FLNC: variants seen among roughly 807,000 people sequenced by gnomAD.
FLNC encodes the protein filamin C.
A neutral mutation model predicts 254.3 loss-of-function variants in FLNC; 91 were observed. That is an observed-to-expected ratio of 0.36 (90% CI 0.30 to 0.43). FLNC has a LOEUF of 0.43. FLNC is among the 20% of genes least tolerant of loss of function. The pLI, the probability that FLNC is intolerant of heterozygous loss-of-function variation, is 1.00. For synonymous variants in FLNC, 1,430 were observed against 1,577.2 expected, an observed-to-expected ratio of 0.91 and a Z score of 2.21; for missense variants, 2,853 against 3,802.6, an observed-to-expected ratio of 0.75 and a Z score of 6.57.
Position 128,856,727 on chromosome 7 carries a change from C to A in FLNC, c.7385-18C>A. The A allele has an allele frequency of 6.2e-7, 1 of 1,614,128 alleles. No individual in the cohort carries two copies. The highest frequency in any genetic ancestry group is 8.5e-7 in the Non-Finnish European group (1 of 1,180,030). ...GAGGGGAAGGATGGAGGCTAAGCCA[C>A]CAACCCTTTATCCACAGACAAGCAC... On this transcript the variant is annotated intron_variant, in intron 44 of 47. Transcript: ENST00000325888. The surrounding 1 kb of genome is among the most constrained non-coding windows in gnomAD (Gnocchi z 5.9).
intron 20 of FLNC, 53 bp downstream of exon 20, chr7:128,844,319 T>C (rs528634077): frequency 3.2e-6 from 5 of 1,554,408 alleles, no homozygotes; most frequent in East Asian, 2.3e-5. Flanking sequence ...GTTGGGAAGA[T>C]AGATGAGTCA....
At position 128,847,703 on chromosome 7, in the gene FLNC, C is replaced by T. The variant is rs1427806742; in HGVS notation, c.4295C>T (p.Pro1432Leu). The T allele has an allele frequency of 1.1e-5, 17 of 1,613,858 alleles. No homozygotes were observed. Among genetic ancestry groups the T allele is most frequent in the East Asian group, 2.2e-5 (1 of 44,886 alleles). Residue 1432 changes from proline (P) to leucine (L), a missense_variant, in exon 25 of 48, where the codon CCG (proline) becomes CTG (leucine). Physicochemically the swap from Pro to Leu is moderately conservative, Grantham distance 98. Transcript: ENST00000325888. ...AATGTCCTTCTCCTCACAGGGAGCC[C>T]GTTCCGCGTGCCAGTGAAGGATGTG... ...TFGGRPIPGS[P>L]FRVPVKDVVD...
At chr7:128,839,909 C>A in intron 8 of FLNC, 114 bp from the exon 9 acceptor site, 2 of 1,355,262 alleles carry the variant, frequency 1.5e-6, no homozygotes, top group South Asian at 1.2e-5. Context: ...CAGAGCAGGG[C>A]CGTGGGCCAC....
rs1424745313 is a variant in FLNC, at chr7:128,836,314, G to T, written c.601+740G>T. 6.6e-6 allele frequency among the ~76,000 whole-genome samples: 1 copy of T among 152,234 alleles called. No individual in the cohort carries two copies. Among genetic ancestry groups the T allele is most frequent in the Non-Finnish European group, 1.5e-5 (1 of 68,034 alleles). ...AGAATCCTCCTCCACCCTGGGGTCA[G>T]CCGGGGAGCAGAGGGTGGGAGGCGG... On this transcript the variant is annotated intron_variant, in intron 2 of 47. Coordinates refer to ENST00000325888, the MANE Select transcript of FLNC (RefSeq NM_001458.5). This position sits in a 1 kb window ranked among gnomAD's most constrained non-coding sequence, Gnocchi z 6.0.
In FLNC at chr7:128,856,405, G is replaced by A. The variant is rs1057411857; in HGVS notation, c.7252-113G>A. 2.1e-6 allele frequency: 3 copies of A among 1,402,582 alleles called. No individual in the cohort carries two copies. Among genetic ancestry groups the A allele is most frequent in the Non-Finnish European group, 3.0e-6 (3 of 1,007,540 alleles). 86.9% of individuals were successfully genotyped at this position (1,402,582 alleles called of 1,614,324 possible). A position where few individuals can be genotyped will look rare whatever the true frequency, so the allele number is the denominator to read the frequency against. On this transcript the variant is annotated intron_variant, in intron 43 of 47. Transcript: ENST00000325888. This position sits in a 1 kb window ranked among gnomAD's most constrained non-coding sequence, Gnocchi z 5.9. ...GCAGGCAGGGGCCAGGCTGGGCATG[G>A]GGTGGCAGCAGCCTTTGGGCTGGGC...
At chr7:128,843,934 C>T (rs1436601351) in intron 19 of FLNC, 21 bp downstream of exon 19, 1 of 1,613,998 alleles carries the variant, frequency 6.2e-7, no homozygotes. Flanking sequence ...CAAGAGCCAC[C>T]CTGGGAGTGA....
At position 128,846,354 on chromosome 7, in the gene FLNC, T is replaced by A. The variant is rs775383465; in HGVS notation, c.4018T>A (p.Phe1340Ile). The change falls in exon 23 of 48, where the codon TTC becomes ATC. Residue 1340 changes from phenylalanine to isoleucine, a missense_variant. Transcript: ENST00000325888. ...TGAGGTCGCTGTGCCCAAGAGCCCCTTCCGAGTGGGCGTGACCGAGGGCTG... is the reference window on the plus strand; with the variant it reads ...TGAGGTCGCTGTGCCCAAGAGCCCCATCCGAGTGGGCGTGACCGAGGGCTG... ...YDEVAVPKSP[F>I]RVGVTEGCDP... The A allele has an allele frequency of 3.7e-6, 6 of 1,613,466 alleles. No homozygotes were observed. The African/African-American group carries it at 8.0e-5, about 22-fold the overall frequency.
Position 128,830,904 on chromosome 7 carries a change from C to T in FLNC, c.267C>T (p.Arg89=), listed in dbSNP as rs768740257. The change falls in exon 1 of 48, where the codon CGC becomes CGT. Residue 89 remains arginine (R), a synonymous_variant. Transcript: ENST00000325888. ...GCATGTACCGCAAGTTCCATCCGCG[C>T]CCCAACTTCCGCCAAATGAAGCTGG... ...QKRMYRKFHP[R]PNFRQMKLEN... 6.2e-7 allele frequency: 1 copy of T among 1,613,146 alleles called. No homozygotes were observed. Among genetic ancestry groups the T allele is most frequent in the South Asian group, 1.1e-5 (1 of 91,092 alleles).
rs1471063024 is a variant in FLNC, at chr7:128,842,670, C to G, written c.2361C>G (p.Phe787Leu). ...TCAAGGCCAATGAGCCCACCTACTT[C>G]ACGGTGGACTGCAGCGAGGCGGGGC... ...TGLKANEPTY[F>L]TVDCSEAGQG... Residue 787 changes from phenylalanine (F) to leucine (L), a missense_variant, in exon 15 of 48, where the codon TTC (phenylalanine) becomes TTG (leucine). Around this residue, in one of 10 missense-constraint regions of FLNC, gnomAD observed 1,573 missense variants for 1,883.5 expected, o/e 0.84. Coordinates refer to ENST00000325888, the MANE Select transcript of FLNC (RefSeq NM_001458.5). The surrounding 1 kb of genome is among the most constrained non-coding windows in gnomAD (Gnocchi z 5.4). The G allele has an allele frequency of 1.3e-6, 2 of 1,555,440 alleles. No individual in the cohort carries two copies. Among genetic ancestry groups the G allele is most frequent in the African/African-American group, 2.7e-5 (2 of 73,588 alleles).
In FLNC at chr7:128,843,820, T is replaced by G; in HGVS notation, c.2836T>G (p.Tyr946Asp). ...QQGNMAVTVT[Y>D]GGDPVPKSPF... is the part of the protein sequence containing the mutation. Reference sequence around the variant, plus strand: ...GGGCAACATGGCAGTGACAGTGACTTATGGCGGGGACCCTGTCCCCAAGAG... The same window carrying G: ...GGGCAACATGGCAGTGACAGTGACTGATGGCGGGGACCCTGTCCCCAAGAG... Residue 946 changes from tyrosine to aspartate, a missense_variant, in exon 19 of 48, where the codon TAT becomes GAT. Around this residue, in one of 10 missense-constraint regions of FLNC, gnomAD observed 1,573 missense variants for 1,883.5 expected, o/e 0.84. Transcript: ENST00000325888. The G allele has an allele frequency of 6.2e-7, 1 of 1,613,826 alleles. No individual in the cohort carries two copies. The highest frequency in any genetic ancestry group is 8.5e-7 in the Non-Finnish European group (1 of 1,180,004).
Position 128,850,475 on chromosome 7 carries a change from A to G in FLNC, c.5390A>G (p.Glu1797Gly). Residue 1797 changes from glutamate to glycine, a missense_variant, in exon 32 of 48, where the codon GAG becomes GGG. This residue lies in a region of FLNC where 258 missense variants were observed against 312.3 expected (regional missense o/e 0.83). Transcript: ENST00000325888. ...ATCCCCTTCGCGGTGCAGAAAGGGG[A>G]GCTCACAGGTACTGCCCTGTGGCTC... ...LVIPFAVQKG[E>G]LTGEVRMPSG... 1 of 1,612,746 alleles carries G rather than the reference A, an allele frequency of 6.2e-7. No individual in the cohort carries two copies. Among genetic ancestry groups the G allele is most frequent in the Non-Finnish European group, 8.5e-7 (1 of 1,179,398 alleles).
chr7:128,853,946 C>T (rs1268637347), intron 39 of FLNC, 28 bp from the exon 40 acceptor site: 2 of 1,613,242 alleles, frequency 1.2e-6, no homozygotes, highest in Non-Finnish European at 1.7e-6. Flanking sequence ...CGCTTCCCTC[C>T]CTCACCCTGG....
At chr7:128,851,013 C>T in intron 33 of FLNC, 70 bp downstream of exon 33, 3 of 1,584,768 alleles carry the variant, frequency 1.9e-6, no homozygotes, top group Middle Eastern at 1.7e-4. Context: ...TCCTGCCTTC[C>T]CTCTTTCAAC....
chr7:128,852,500 C>T, intron 35 of FLNC, 91 bp from the exon 36 acceptor site: 6 of 1,483,354 alleles, frequency 4.0e-6, no homozygotes, highest in Non-Finnish European at 5.6e-6. Context: ...CTGTTGAGTC[C>T]AGGGGGGGCT....
Position 128,853,722 on chromosome 7 carries a change from C to T in FLNC, c.6369C>T (p.Pro2123=), listed in dbSNP as rs752728262. The T allele has an allele frequency of 1.2e-6, 2 of 1,613,944 alleles. No individual in the cohort carries two copies. Among genetic ancestry groups the T allele is most frequent in the Non-Finnish European group, 1.7e-6 (2 of 1,180,044 alleles). The change falls in exon 39 of 48, where the codon CCC becomes CCT. Residue 2123 remains proline, a synonymous_variant. Transcript: ENST00000325888. ...KFADKHVPGS[P]FTVKVTGEGR... ...CCTTTGTCCCCACTTCAGGAAGCCC[C>T]TTCACTGTGAAGGTGACCGGCGAGG... is the stretch of plus-strand genomic sequence containing the variant.
intron 21 of FLNC, among the ~76,000 whole-genome samples, chr7:128,845,742 T>G (rs567869333): frequency 1.4e-5 from 2 of 141,964 alleles, no homozygotes; most frequent in African/African-American, 2.6e-5. Context: ...TGTCACTACA[T>G]GGAGAAGGGA....
At chr7:128,840,417 TGCA>T in intron 9 of FLNC, 128 bp from the exon 10 acceptor site, 1 of 1,222,630 alleles carries the variant, frequency 8.2e-7, no homozygotes, top group Admixed American at 1.9e-5. Flanking sequence ...TGCCCTGAGT[TGCA>T]GCACTGCTCA....
chr7:128,840,375 G>A (rs1246071116), intron 9 of FLNC, among the ~76,000 whole-genome samples, 173 bp from the exon 10 acceptor site: 3 of 152,200 alleles, frequency 2.0e-5, no homozygotes, highest in Non-Finnish European at 4.4e-5. Context: ...GTGCTATACG[G>A]GGTGTTATGC....
At position 128,852,866 on chromosome 7, in the gene FLNC, G is replaced by C. The variant is rs775231810; in HGVS notation, c.6043G>C (p.Val2015Leu). The change falls in exon 37 of 48, where the codon GTG becomes CTG. Residue 2015 changes from valine to leucine, a missense_variant. By Grantham distance (32) the Val-to-Leu change is conservative. This residue lies in a region of FLNC where 551 missense variants were observed against 835.0 expected (regional missense o/e 0.66). Coordinates refer to ENST00000325888, the MANE Select transcript of FLNC (RefSeq NM_001458.5). Reference sequence around the variant, plus strand: ...CCCCAAGGAGGTCGGGGAGCACGTGGTGAGCGTGCGCAAGAGTGGCAAGCA... The same window carrying C: ...CCCCAAGGAGGTCGGGGAGCACGTGCTGAGCGTGCGCAAGAGTGGCAAGCA... ...FTPKEVGEHV[V>L]SVRKSGKHVT... The C allele has an allele frequency of 1.2e-6, 2 of 1,613,866 alleles. No homozygotes were observed. Among genetic ancestry groups the C allele is most frequent in the South Asian group, 2.2e-5 (2 of 91,088 alleles).
Sources: allele counts gnomAD v4.1 joint callset (sites outside exome capture counted in the v4.1 genomes callset), GRCh38; gene constraint gnomAD v4.1.1; regional missense constraint gnomAD v4.1.1; non-coding constraint Gnocchi (gnomAD v3.1); transcripts MANE v1.5; gene names NCBI Gene and HGNC (gene_info 2026-07-23, HGNC 2026-07-21).